PRKD1: variants seen among roughly 807,000 people sequenced by gnomAD.
The protein encoded by PRKD1 is protein kinase D1.
A neutral mutation model predicts 95.9 loss-of-function variants in PRKD1; 63 were observed. The observed-to-expected ratio is 0.66, with a 90% confidence interval of 0.54 to 0.81. The LOEUF (loss-of-function observed/expected upper bound fraction) is 0.81, where lower values mean the gene tolerates loss of function less well. Ranked by LOEUF, PRKD1 falls within the 30% of genes least tolerant of loss-of-function variation. PRKD1 has a pLI of 0.00. For synonymous variants in PRKD1, 425 were observed against 423.1 expected (o/e 1.00, Z -0.05); for missense variants, 1,048 against 1,165.3 (o/e 0.90, Z 1.47).
rs554121352 is a variant in PRKD1 at position 29,772,337 on chromosome 14, T to TC, written c.265-46664dup. ...AATGAGCCCTCAAGAAGGCCTGTCA[T>TC]CCCTCCCACCAAGTGAGGATGCAGC... On this transcript the variant is annotated intron_variant, in intron 1 of 17. Coordinates refer to ENST00000331968, the MANE Select transcript of PRKD1 (RefSeq NM_002742.3). Among the ~76,000 whole-genome samples the TC allele has an allele frequency of 1.8e-3, 273 of 152,194 alleles. 1 individual carries two copies. The highest frequency in any genetic ancestry group is 6.2e-3 in the African/African-American group (257 of 41,520).
At chr14:29,848,388 A>AC (rs1017465923) in intron 1 of PRKD1, among the ~76,000 whole-genome samples, 40 of 151,978 alleles carry the variant, frequency 2.6e-4, no homozygotes, top group African/African-American at 8.0e-4. Context: ...CACACACTTT[A>AC]TTTTTCACTT....
At chr14:29,794,813 G>C (rs2139202765) in intron 1 of PRKD1, among the ~76,000 whole-genome samples, 1 of 152,146 alleles carries the variant, frequency 6.6e-6, no homozygotes, top group Middle Eastern at 3.4e-3. Context: ...GAAGCCAAAA[G>C]ATAGAATCAA....
chr14:29,843,281 C>T (rs931851289), intron 1 of PRKD1, among the ~76,000 whole-genome samples: 2 of 152,262 alleles, frequency 1.3e-5, no homozygotes, highest in Middle Eastern at 3.4e-3. Context: ...TCAGAAGAAA[C>T]CAACCCTGCT....
intron 1 of PRKD1, among the ~76,000 whole-genome samples, chr14:29,860,111 T>C (rs1291327196): frequency 6.6e-6 from 1 of 152,218 alleles, no homozygotes; most frequent in Non-Finnish European, 1.5e-5. Flanking sequence ...ATTAACACTT[T>C]ACTACTCAGA....
intron 1 of PRKD1, among the ~76,000 whole-genome samples, chr14:29,840,640 G>A (rs1891802596): frequency 6.6e-6 from 1 of 152,156 alleles, no homozygotes; most frequent in Admixed American, 6.6e-5. Context: ...GATGTTTAAT[G>A]GACTTACAGT....
At chr14:29,901,686 C>T (rs1276326834) in intron 1 of PRKD1, among the ~76,000 whole-genome samples, 1 of 152,124 alleles carries the variant, frequency 6.6e-6, no homozygotes, top group Non-Finnish European at 1.5e-5. Context: ...AATAGTACAA[C>T]AGCAACAGCA....
At chr14:29,825,739 GT>G (rs1308800390) in intron 1 of PRKD1, among the ~76,000 whole-genome samples, 30 of 152,084 alleles carry the variant, frequency 2.0e-4, no homozygotes, top group Admixed American at 1.1e-3. Context: ...CAACATAGTG[GT>G]TTTTGAAAGA....
chr14:29,730,851 G>A (rs953479236), intron 1 of PRKD1, among the ~76,000 whole-genome samples: 3 of 152,076 alleles, frequency 2.0e-5, no homozygotes, highest in East Asian at 1.9e-4. Flanking sequence ...GGGGCTAAGC[G>A]GTGGGTGAGA....
At chr14:29,613,948 G>T (rs535508289) in intron 13 of PRKD1, among the ~76,000 whole-genome samples, 1 of 152,278 alleles carries the variant, frequency 6.6e-6, no homozygotes, top group South Asian at 2.1e-4. Flanking sequence ...GGAACATGCT[G>T]GGCATTCAAT....
chr14:29,619,679 A>G (rs993632782), intron 13 of PRKD1, among the ~76,000 whole-genome samples: 1 of 152,154 alleles, frequency 6.6e-6, no homozygotes, highest in Non-Finnish European at 1.5e-5. Flanking sequence ...TTGGACTGCA[A>G]TTTTAAATAG....
chr14:29,854,341 G>A (rs1182182765), intron 1 of PRKD1, among the ~76,000 whole-genome samples: 2 of 152,190 alleles, frequency 1.3e-5, no homozygotes, highest in African/African-American at 4.8e-5. Flanking sequence ...ATGGAGATGA[G>A]GTACTTGTAG....
chr14:29,672,765 C>T (rs898702965), intron 2 of PRKD1, among the ~76,000 whole-genome samples: 1 of 151,960 alleles, frequency 6.6e-6, no homozygotes, highest in African/African-American at 2.4e-5. Context: ...GTATATAGAA[C>T]AGAATTACTA....
chr14:29,578,543 TAAAAAAAAAA>T (rs992449669), intron 16 of PRKD1, among the ~76,000 whole-genome samples, 183 bp from the exon 17 acceptor site: 9 of 42,682 alleles, frequency 2.1e-4, no homozygotes, highest in Admixed American at 5.4e-4. Flanking sequence ...TTTTGGATAC[TAAAAAAAAAA>T]AAAAAAAAAA....
At chr14:29,815,888 A>G (rs901585481) in intron 1 of PRKD1, among the ~76,000 whole-genome samples, 10 of 152,136 alleles carry the variant, frequency 6.6e-5, no homozygotes, top group African/African-American at 2.4e-4. Context: ...GCTACCTTCA[A>G]TATAGGTATA....
rs979499572 is a variant in PRKD1, at chr14:29,911,110, T to C, written c.264+16139A>G. Among the ~76,000 whole-genome samples the C allele has an allele frequency of 4.6e-5, 7 of 152,084 alleles. No individual in the cohort carries two copies. The East Asian group carries it at 1.2e-3, about 25-fold the overall frequency. ...GGCTTGTGTGTGTGGTATCGGAATA[T>C]TGAAAAACTTAAACTTTGCAATACT... is the stretch of plus-strand genomic sequence containing the variant. On this transcript the variant is annotated intron_variant, in intron 1 of 17. Coordinates refer to ENST00000331968, the MANE Select transcript of PRKD1 (RefSeq NM_002742.3).
chr14:29,599,618 A>T, intron 14 of PRKD1, 38 bp downstream of exon 14: 1 of 1,565,046 alleles, frequency 6.4e-7, no homozygotes. Context: ...ATTTGATATT[A>T]AATATTGTAT....
chr14:29,883,444 T>C (rs1306526843), intron 1 of PRKD1, among the ~76,000 whole-genome samples: 2 of 152,236 alleles, frequency 1.3e-5, no homozygotes, highest in African/African-American at 4.8e-5. Context: ...TGTGTATATT[T>C]ATTGCATTTT....
At chr14:29,642,920 T>TG (rs1880884067) in intron 4 of PRKD1, among the ~76,000 whole-genome samples, 1 of 151,914 alleles carries the variant, frequency 6.6e-6, no homozygotes, top group Non-Finnish European at 1.5e-5. Context: ...TGATTTTTTT[T>TG]TTTTTAATGA....
At chr14:29,819,179 T>C (rs1890807996) in intron 1 of PRKD1, among the ~76,000 whole-genome samples, 1 of 152,182 alleles carries the variant, frequency 6.6e-6, no homozygotes, top group Non-Finnish European at 1.5e-5. Flanking sequence ...ATTGGCTCAA[T>C]TGATAAAACT....
Sources: allele counts gnomAD v4.1 joint callset (sites outside exome capture counted in the v4.1 genomes callset), GRCh38; gene constraint gnomAD v4.1.1; transcripts MANE v1.5; gene names NCBI Gene and HGNC (gene_info 2026-07-23, HGNC 2026-07-21).